Variants in ZNF423 observed in about 807,000 individuals in gnomAD.
ZNF423 encodes the protein Ebf-associated zinc finger protein.
A neutral mutation model predicts 95.8 loss-of-function variants in ZNF423; 12 were observed. That is an observed-to-expected ratio of 0.13 (90% confidence interval 0.08 to 0.20). ZNF423 has a LOEUF of 0.20. Among genes scored for constraint, ZNF423 ranks in the 10% least tolerant of loss-of-function variants. The probability of loss-of-function intolerance (pLI) is 1.00; values close to 1 mark genes in which losing one functional copy is unlikely to be tolerated. For synonymous variants in ZNF423, 749 were observed against 711.9 expected, an observed-to-expected ratio of 1.05 and a Z score of -0.83; for missense variants, 1,316 against 1,737.1, an observed-to-expected ratio of 0.76 and a Z score of 4.31.
chr16:49,777,616 G>A (rs986977431), intron 2 of ZNF423, among the ~76,000 whole-genome samples: 10 of 152,134 alleles, frequency 6.6e-5, no homozygotes, highest in African/African-American at 9.7e-5. Flanking sequence ...TCTAGTGCCC[G>A]TCATTCCACC....
chr16:49,563,069 C>CACCG (rs1970069182), intron 5 of ZNF423, among the ~76,000 whole-genome samples: 2 of 151,766 alleles, frequency 1.3e-5, no homozygotes, highest in Non-Finnish European at 1.5e-5. Flanking sequence ...AGGCATGAGC[C>CACCG]ACCGCGCCCA....
rs916785253 is a variant in ZNF423, at chr16:49,526,457, G to T, written c.3602-963C>A. 4.6e-5 allele frequency among the ~76,000 whole-genome samples: 7 copies of T among 152,128 alleles called. No homozygotes were observed. In the South Asian group the frequency reaches 8.3e-4, roughly 18 times the overall value. ...CCTGAGCACCAGCCTTGCCAATGTC[G>T]AGGAGGCTCAGAGCTCTGGTGCCCT... On this transcript the variant is annotated intron_variant, in intron 5 of 7. Coordinates refer to ENST00000563137, the MANE Select transcript of ZNF423 (RefSeq NM_001379286.1).
At chr16:49,585,475 G>T (rs1970802496) in intron 5 of ZNF423, among the ~76,000 whole-genome samples, 1 of 152,290 alleles carries the variant, frequency 6.6e-6, no homozygotes, top group South Asian at 2.1e-4. Context: ...ATGAGAGTTT[G>T]GGAGGTATTT....
intron 1 of ZNF423, among the ~76,000 whole-genome samples, chr16:49,807,157 G>A (rs1389894360): frequency 2.0e-5 from 3 of 150,952 alleles, no homozygotes; most frequent in South Asian, 4.2e-4. Flanking sequence ...CCAGGCCGGG[G>A]GCGGTGGCTC....
chr16:49,521,638 G>T (rs1968400083), intron 7 of ZNF423, among the ~76,000 whole-genome samples: 1 of 152,200 alleles, frequency 6.6e-6, no homozygotes, highest in Non-Finnish European at 1.5e-5. Context: ...TCTGGGCCAG[G>T]TCTGTATGAT....
chr16:49,524,731 C>T (rs937293527), intron 6 of ZNF423, among the ~76,000 whole-genome samples: 10 of 152,210 alleles, frequency 6.6e-5, no homozygotes, highest in Non-Finnish European at 2.9e-5. Context: ...CCTGCCGTGG[C>T]AGACAGCAGA....
At chr16:49,491,452 G>T in intron 7 of ZNF423, 148 bp from the exon 8 acceptor site, 1 of 973,090 alleles carries the variant, frequency 1.0e-6, no homozygotes, top group Non-Finnish European at 1.6e-6. Flanking sequence ...GTGCTCCAGG[G>T]ACGCAGCTGC....
chr16:49,510,754 CG>C (rs1442730549), intron 7 of ZNF423, among the ~76,000 whole-genome samples: 1 of 152,144 alleles, frequency 6.6e-6, no homozygotes, highest in Non-Finnish European at 1.5e-5. Flanking sequence ...GATGTGGAGC[CG>C]GTGAGGCGCC....
At position 49,822,686 on chromosome 16, in the gene ZNF423, C is replaced by A. The variant is rs2034959722; in HGVS notation, c.40+33049G>T. ...CCTGCTCACCCCTCTTCTTATGCAT[C>A]CATGTCTTTCTTCTTTTACAGGGTA... On this transcript the variant is annotated intron_variant, in intron 1 of 7. Transcript: ENST00000563137. 7 of 1,612,116 alleles carry A rather than the reference C, an allele frequency of 4.3e-6. No homozygotes were observed. In the East Asian group the frequency reaches 1.3e-4, roughly 31 times the overall value.
intron 5 of ZNF423, among the ~76,000 whole-genome samples, chr16:49,557,904 G>A (rs13338284): frequency 0.097 from 14,760 of 152,132 alleles, 1,740 homozygotes; most frequent in African/African-American, 0.28. Context: ...TCTGGGCCTG[G>A]GCACCTGGGG....
intron 5 of ZNF423, among the ~76,000 whole-genome samples, chr16:49,528,049 C>T (rs138440431): frequency 2.1e-4 from 32 of 152,268 alleles, no homozygotes; most frequent in South Asian, 6.2e-4. Flanking sequence ...AGAGGAGAGA[C>T]GTCCCCAGGC....
chr16:49,789,456 G>A, intron 2 of ZNF423, 31 bp downstream of exon 2: 1 of 1,606,176 alleles, frequency 6.2e-7, no homozygotes, highest in East Asian at 2.3e-5. Flanking sequence ...AGGACCCCCT[G>A]CAACTCTTCC....
rs1468401917 is a variant in ZNF423, at chr16:49,855,197, G to A, written c.40+538C>T. Among the ~76,000 whole-genome samples the A allele has an allele frequency of 4.0e-5, 6 of 150,160 alleles. No individual in the cohort carries two copies. The highest frequency in any genetic ancestry group is 7.4e-5 in the Non-Finnish European group (5 of 67,262). On this transcript the variant is annotated intron_variant, in intron 1 of 7. Coordinates refer to ENST00000563137, the MANE Select transcript of ZNF423 (RefSeq NM_001379286.1). This position sits in a 1 kb window ranked among gnomAD's most constrained non-coding sequence, Gnocchi z 4.7. ...GCGGCGCCCGGGGCGCTCGCCGACAGCGCCCGCCGCTCCCCGCGTCCTCGG... is the reference window on the plus strand; with the variant it reads ...GCGGCGCCCGGGGCGCTCGCCGACAACGCCCGCCGCTCCCCGCGTCCTCGG...
At position 49,592,542 on chromosome 16, in the gene ZNF423, T is replaced by C. The variant is rs920116989; in HGVS notation, c.3601+33628A>G. On this transcript the variant is annotated intron_variant, in intron 5 of 7. Transcript: ENST00000563137. ...GACAGAATTCTTTTGCAGAAGTCAC[T>C]TGCAGGAGTGAATTCTTTTTCCCTG... 3.3e-5 allele frequency among the ~76,000 whole-genome samples: 5 copies of C among 152,252 alleles called. No individual in the cohort carries two copies. In the East Asian group the frequency reaches 9.6e-4, roughly 29 times the overall value.
chr16:49,766,832 C>T (rs897499318), intron 2 of ZNF423, among the ~76,000 whole-genome samples: 2 of 152,210 alleles, frequency 1.3e-5, no homozygotes, highest in African/African-American at 4.8e-5. Flanking sequence ...ACCTCTGATC[C>T]CATTTTACAG....
At chr16:49,600,276 C>T (rs926726326) in intron 5 of ZNF423, among the ~76,000 whole-genome samples, 2 of 151,600 alleles carry the variant, frequency 1.3e-5, no homozygotes, top group African/African-American at 2.4e-5. Flanking sequence ...GCTGAGATCG[C>T]GCCACAGCAC....
Position 49,730,945 on chromosome 16 carries a change from C to A in ZNF423, c.127G>T (p.Asp43Tyr). ...AGGLEGEPECDQKTSRALEDR... is the reference protein window; with the variant it reads ...AGGLEGEPECYQKTSRALEDR... ...TCCAGCGCACGGCTGGTTTTCTGAT[C>A]GCACTCTGGCTCTCCTTCTAGGCCT... Residue 43 changes from aspartate to tyrosine, a missense_variant, in exon 3 of 8, where the codon GAT becomes TAT. By Grantham distance (160) the Asp-to-Tyr change is radical. Coordinates refer to ENST00000563137, the MANE Select transcript of ZNF423 (RefSeq NM_001379286.1). 1 of 1,614,222 alleles carries A rather than the reference C, an allele frequency of 6.2e-7. No individual in the cohort carries two copies. The highest frequency in any genetic ancestry group is 8.5e-7 in the Non-Finnish European group (1 of 1,180,038).
intron 1 of ZNF423, among the ~76,000 whole-genome samples, chr16:49,836,735 C>T (rs901528086): frequency 1.3e-5 from 2 of 152,132 alleles, no homozygotes; most frequent in Admixed American, 1.3e-4. Flanking sequence ...CCCATGAATG[C>T]CCTTATCCCC....
intron 3 of ZNF423, among the ~76,000 whole-genome samples, chr16:49,674,797 G>A (rs975327229): frequency 2.0e-5 from 3 of 152,210 alleles, no homozygotes; most frequent in African/African-American, 7.2e-5. Context: ...CGGTCTGAGT[G>A]AGATTTTCTT....
Sources: allele counts gnomAD v4.1 joint callset (sites outside exome capture counted in the v4.1 genomes callset), GRCh38; gene constraint gnomAD v4.1.1; non-coding constraint Gnocchi (gnomAD v3.1); transcripts MANE v1.5; gene names NCBI Gene and HGNC (gene_info 2026-07-23, HGNC 2026-07-21).